The following PARVB variants were observed in gnomAD, a reference collection of about 807,000 sequenced individuals.
The protein encoded by PARVB is beta-parvin.
In PARVB, 46 loss-of-function variants were observed where a neutral mutation model predicts 47.0. That is an observed-to-expected ratio of 0.98 (90% CI 0.77 to 1.25). PARVB has a LOEUF of 1.25. Ranked by LOEUF, PARVB falls within the 50% of genes most tolerant of loss-of-function variation. The probability of loss-of-function intolerance (pLI) is 0.00; values close to 1 mark genes in which losing one functional copy is unlikely to be tolerated. For missense variants in PARVB, 473 were observed against 471.6 expected, an observed-to-expected ratio of 1.00 and a Z score of -0.03; for synonymous variants, 196 against 196.3, an observed-to-expected ratio of 1.00 and a Z score of 0.01.
chr22:44,161,308 C>CTTT (rs769442547), intron 11 of PARVB, among the ~76,000 whole-genome samples: 10,388 of 128,486 alleles, frequency 0.081, 742 homozygotes, highest in South Asian at 0.32. Flanking sequence ...TTTTTCTTTT[C>CTTT]TTTTTTTTTT....
At chr22:44,026,516 T>G (rs2050732424) in intron 1 of PARVB, 1 of 186,254 alleles carries the variant, frequency 5.4e-6, no homozygotes, top group South Asian at 1.8e-4. Context: ...TGTGGTCTCC[T>G]GGGAAGTGGA....
chr22:44,130,593 G>A (rs1044767945), intron 4 of PARVB, among the ~76,000 whole-genome samples: 1 of 152,144 alleles, frequency 6.6e-6, no homozygotes. Flanking sequence ...TCCTATTGTG[G>A]CATTAGAATG....
intron 10 of PARVB, among the ~76,000 whole-genome samples, chr22:44,153,973 G>A (rs2053864091): frequency 6.6e-6 from 1 of 152,196 alleles, no homozygotes; most frequent in African/African-American, 2.4e-5. Flanking sequence ...TAGAAGTGGA[G>A]TCATTAGAGC....
At chr22:44,047,169 T>C (rs2051128669) in intron 1 of PARVB, among the ~76,000 whole-genome samples, 1 of 152,108 alleles carries the variant, frequency 6.6e-6, no homozygotes, top group East Asian at 1.9e-4. Context: ...AGAAAAGAGG[T>C]TTACTTGGCT....
chr22:44,095,751 C>T (rs12628090), intron 2 of PARVB, among the ~76,000 whole-genome samples: 7,264 of 152,246 alleles, frequency 0.048, 285 homozygotes, highest in East Asian at 0.11. Context: ...AACCCTGGTT[C>T]GAAGGGAAGT....
intron 3 of PARVB, chr22:44,114,838 T>C (rs1264085537): frequency 2.1e-5 from 2 of 93,230 alleles, no homozygotes; most frequent in African/African-American, 1.0e-4. Context: ...ACTAAGGCCC[T>C]GTACCAACAC....
intron 3 of PARVB, among the ~76,000 whole-genome samples, chr22:44,100,337 G>C (rs1182238361): frequency 6.6e-6 from 1 of 152,148 alleles, no homozygotes; most frequent in African/African-American, 2.4e-5. Context: ...TGCTCGGCTG[G>C]GGCTTTAACG....
At chr22:44,074,257 G>A (rs2051717570) in intron 1 of PARVB, among the ~76,000 whole-genome samples, 2 of 152,178 alleles carry the variant, frequency 1.3e-5, no homozygotes, top group Admixed American at 1.3e-4. Flanking sequence ...GCATTTCTGA[G>A]CCCCTGATCG....
At chr22:44,053,483 A>G (rs556034900) in intron 1 of PARVB, among the ~76,000 whole-genome samples, 1 of 152,306 alleles carries the variant, frequency 6.6e-6, no homozygotes, top group East Asian at 1.9e-4. Flanking sequence ...GTGTTAGGGC[A>G]CCGTACAGGT....
chr22:44,084,077 C>T (rs867717091), intron 1 of PARVB, among the ~76,000 whole-genome samples: 4 of 152,210 alleles, frequency 2.6e-5, no homozygotes, highest in Non-Finnish European at 5.9e-5. Flanking sequence ...GCCTTCATCT[C>T]CAGGCTCTGT....
chr22:44,059,826 T>C lies in PARVB; in HGVS notation c.113-34102T>C, dbSNP rs2051386340. 1.3e-5 allele frequency among the ~76,000 whole-genome samples: 2 copies of C among 152,224 alleles called. 1 individual carries two copies. Among genetic ancestry groups the C allele is most frequent in the South Asian group, 4.1e-4 (2 of 4,838 alleles). On this transcript the variant is annotated intron_variant, in intron 1 of 12. Coordinates refer to ENST00000338758, the MANE Select transcript of PARVB (RefSeq NM_013327.5). ...AACACTTGCAAAGCCTGCTGTCATTTGGTTTTAAACAGCACTCGTCGTCTT... is the reference window on the plus strand; with the variant it reads ...AACACTTGCAAAGCCTGCTGTCATTCGGTTTTAAACAGCACTCGTCGTCTT...
At chr22:44,084,914 C>T (rs1245104983) in intron 1 of PARVB, among the ~76,000 whole-genome samples, 1 of 152,238 alleles carries the variant, frequency 6.6e-6, no homozygotes, top group Non-Finnish European at 1.5e-5. Flanking sequence ...GTTTATTTTC[C>T]ATTCTTGTAG....
chr22:44,026,756 G>C lies in PARVB; in HGVS notation c.112+2305G>C, dbSNP rs146623589. ...CACCGTCGGCTTCATTTCCTCCTTT[G>C]TTAGAAAGTTGAGGGTGGATTTGGG... On this transcript the variant is annotated intron_variant, in intron 1 of 12. Coordinates refer to ENST00000338758, the MANE Select transcript of PARVB (RefSeq NM_013327.5). Among the ~76,000 whole-genome samples, 1,234 of 150,218 alleles carry C rather than the reference G, an allele frequency of 8.2e-3. 14 individuals are homozygous for C. The highest frequency in any genetic ancestry group is 0.029 in the African/African-American group (1,188 of 41,002).
At chr22:44,038,787 C>T (rs2050966298) in intron 1 of PARVB, among the ~76,000 whole-genome samples, 1 of 151,738 alleles carries the variant, frequency 6.6e-6, no homozygotes, top group Admixed American at 6.6e-5. Flanking sequence ...ATCTCAAAAA[C>T]CAAAAACCAA....
chr22:44,127,416 T>C (rs1411917064), intron 4 of PARVB, among the ~76,000 whole-genome samples: 1 of 152,254 alleles, frequency 6.6e-6, no homozygotes, highest in Non-Finnish European at 1.5e-5. Flanking sequence ...TGTGATCACC[T>C]GATCCTTGAG....
chr22:44,075,053 G>A (rs2051737519), intron 1 of PARVB, among the ~76,000 whole-genome samples: 1 of 152,190 alleles, frequency 6.6e-6, no homozygotes, highest in Admixed American at 6.5e-5. Flanking sequence ...GGTGTCAGTT[G>A]TGACAACCCA....
At chr22:44,027,688 G>C (rs1354265917) in intron 1 of PARVB, among the ~76,000 whole-genome samples, 2 of 152,008 alleles carry the variant, frequency 1.3e-5, no homozygotes, top group Non-Finnish European at 2.9e-5. Context: ...ACCTGAGGTC[G>C]GGAATTCGAG....
intron 9 of PARVB, 38 bp from the exon 10 acceptor site, chr22:44,151,445 G>C (rs377075900): frequency 6.5e-7 from 1 of 1,532,866 alleles, no homozygotes; most frequent in Non-Finnish European, 9.0e-7. Flanking sequence ...CTGCATGCGG[G>C]CCATTCATGG....
At chr22:44,050,119 A>T (rs948408357) in intron 1 of PARVB, among the ~76,000 whole-genome samples, 1 of 152,086 alleles carries the variant, frequency 6.6e-6, no homozygotes, top group Non-Finnish European at 1.5e-5. Context: ...CCTAATCAGG[A>T]GGGCAGAGTC....
Sources: gnomAD v4.1 joint callset for allele counts (sites outside exome capture counted in the v4.1 genomes callset) on GRCh38, gnomAD v4.1.1 for gene constraint, MANE v1.5 for transcripts, NCBI Gene and HGNC (gene_info 2026-07-23, HGNC 2026-07-21) for gene names.